The following ADAMTS10 variants were observed in gnomAD, a reference collection of about 807,000 sequenced individuals.
ADAMTS10 encodes A disintegrin and metalloproteinase with thrombospondin motifs 10.
Under a neutral mutation model 135.9 loss-of-function variants are expected in ADAMTS10, and 48 were observed. The observed-to-expected ratio is 0.35, with a 90% confidence interval of 0.28 to 0.45. The LOEUF (loss-of-function observed/expected upper bound fraction) is 0.45. ADAMTS10 is among the 20% of genes least tolerant of loss of function. ADAMTS10 has a pLI of 1.00. For missense variants in ADAMTS10, 1,131 were observed against 1,565.2 expected, an observed-to-expected ratio of 0.72 and a Z score of 4.68; for synonymous variants, 621 against 647.5, an observed-to-expected ratio of 0.96 and a Z score of 0.62.
Position 8,601,035 on chromosome 19 carries a change from C to G in ADAMTS10, c.703G>C (p.Val235Leu). ...GTCTCCACGTAGCGCTCTCGGCTGACCGATCGCTTCAGGCCTGGCTGGCCA... is the reference window on the plus strand; with the variant it reads ...GTCTCCACGTAGCGCTCTCGGCTGAGCGATCGCTTCAGGCCTGGCTGGCCA... ...ERGQPGLKRSVSRERYVETLV... is the reference protein window; with the variant it reads ...ERGQPGLKRSLSRERYVETLV... The change falls in exon 6 of 26, where the codon GTC becomes CTC. Residue 235 changes from valine (V) to leucine (L), a missense_variant. This residue lies in a region of ADAMTS10 where 306 missense variants were observed against 344.4 expected (regional missense o/e 0.89). Transcript: ENST00000597188. The surrounding 1 kb of genome is among the most constrained non-coding windows in gnomAD (Gnocchi z 4.6). 1.2e-6 allele frequency: 2 copies of G among 1,614,196 alleles called. No homozygotes were observed. Among genetic ancestry groups the G allele is most frequent in the Non-Finnish European group, 1.7e-6 (2 of 1,180,046 alleles).
rs1324315756 is a variant in ADAMTS10 at position 8,605,752 on chromosome 19, C to T, written c.-42G>A. 1.7e-5 allele frequency: 27 copies of T among 1,566,854 alleles called. No homozygotes were observed. Among genetic ancestry groups the T allele is most frequent in the East Asian group, 4.7e-5 (2 of 42,758 alleles). ...CATGTCTCTCCCCAGCCCCGGCTGC[C>T]GGCAGCCCCCACAGTGCCGCCTCCC... On this transcript the variant is annotated 5_prime_UTR_variant, in exon 3 of 26. Transcript: ENST00000597188. The surrounding 1 kb of genome is among the most constrained non-coding windows in gnomAD (Gnocchi z 7.7).
At chr19:8,592,466 G>C (rs1298586499) in intron 13 of ADAMTS10, among the ~76,000 whole-genome samples, 2 of 151,642 alleles carry the variant, frequency 1.3e-5, no homozygotes, top group East Asian at 1.9e-4. Flanking sequence ...ATGAGGGAGA[G>C]AGCAAACAGT....
rs2042599199 is a variant in ADAMTS10 at position 8,596,003 on chromosome 19, A to G, written c.1337+70T>C. 3.7e-6 allele frequency: 6 copies of G among 1,613,696 alleles called. No individual in the cohort carries two copies. In the Admixed American group the frequency reaches 6.7e-5, roughly 18 times the overall value. On this transcript the variant is annotated intron_variant, in intron 11 of 25. Coordinates refer to ENST00000597188, the MANE Select transcript of ADAMTS10 (RefSeq NM_030957.4). This position sits in a 1 kb window ranked among gnomAD's most constrained non-coding sequence, Gnocchi z 7.2. ...GTCCCAGGGAGCATCCCTGATTTCT[A>G]TCGTCTCCCGTGTACCCTGCCCCAC...
intron 15 of ADAMTS10, among the ~76,000 whole-genome samples, chr19:8,590,813 C>G (rs1555738747): frequency 6.6e-6 from 1 of 152,134 alleles, no homozygotes; most frequent in African/African-American, 2.4e-5. Context: ...CCAGGATGGT[C>G]TCGAACTCCT....
chr19:8,610,196 C>T (rs541711127), intron 1 of ADAMTS10, among the ~76,000 whole-genome samples: 47 of 151,866 alleles, frequency 3.1e-4, no homozygotes, highest in Non-Finnish European at 5.9e-4. Context: ...CCACACCAGA[C>T]ACACACACAC....
rs782300766 is a variant in ADAMTS10 at position 8,601,023 on chromosome 19, G to A, written c.715C>T (p.Arg239Cys). The change falls in exon 6 of 26, where the codon CGC becomes TGC. Residue 239 changes from arginine (R) to cysteine (C), a missense_variant. Coordinates refer to ENST00000597188, the MANE Select transcript of ADAMTS10 (RefSeq NM_030957.4). This position sits in a 1 kb window ranked among gnomAD's most constrained non-coding sequence, Gnocchi z 4.6. Reference sequence around the variant, plus strand: ...GCCACCACCAGGGTCTCCACGTAGCGCTCTCGGCTGACCGATCGCTTCAGG... The same window carrying A: ...GCCACCACCAGGGTCTCCACGTAGCACTCTCGGCTGACCGATCGCTTCAGG... Reference protein sequence around the residue: ...PGLKRSVSRERYVETLVVADK... With the variant: ...PGLKRSVSRECYVETLVVADK... 2.2e-5 allele frequency: 36 copies of A among 1,614,118 alleles called. No homozygotes were observed. Among genetic ancestry groups the A allele is most frequent in the Admixed American group, 1.2e-4 (7 of 60,022 alleles).
At position 8,589,565 on chromosome 19, in the gene ADAMTS10, G is replaced by T; in HGVS notation, c.1921C>A (p.Leu641Ile). 1 of 1,613,450 alleles carries T rather than the reference G, an allele frequency of 6.2e-7. No individual in the cohort carries two copies. The highest frequency in any genetic ancestry group is 8.5e-7 in the Non-Finnish European group (1 of 1,179,968). ...YRGGGVKACS[L>I]TCLAEGFNFY... Reference sequence around the variant, plus strand: ...TTGAAGCCTTCCGCTAGGCACGTGAGCGAGCAGGCCTTCACGCCCCCTGGG... The same window carrying T: ...TTGAAGCCTTCCGCTAGGCACGTGATCGAGCAGGCCTTCACGCCCCCTGGG... Residue 641 changes from leucine (L) to isoleucine (I), a missense_variant, in exon 17 of 26, where the codon CTC becomes ATC. Coordinates refer to ENST00000597188, the MANE Select transcript of ADAMTS10 (RefSeq NM_030957.4).
chr19:8,586,995 G>T, intron 18 of ADAMTS10, 99 bp from the exon 19 acceptor site: 1 of 1,257,460 alleles, frequency 8.0e-7, no homozygotes. Context: ...AACTATTACT[G>T]CGCTAAACAC....
chr19:8,586,618 C>T lies in ADAMTS10; in HGVS notation c.2343G>A (p.Gly781=), dbSNP rs782209958. The T allele has an allele frequency of 1.2e-6, 2 of 1,614,046 alleles. No homozygotes were observed. Among genetic ancestry groups the T allele is most frequent in the South Asian group, 2.2e-5 (2 of 91,082 alleles). The change falls in exon 20 of 26, where the codon GGG becomes GGA. Residue 781 remains glycine (G), a synonymous_variant. Transcript: ENST00000597188. ...CTTCGAGGCTCTGGACCTGGTCTGG[C>T]CCCTGTCGCAGTTGAAAGGTGGTCC... ...LAGTTFQLRQ[G]PDQVQSLEAL... is the part of the protein sequence containing the mutation.
At chr19:8,582,311 T>A (rs1192118117) in intron 25 of ADAMTS10, among the ~76,000 whole-genome samples, 1 of 147,846 alleles carries the variant, frequency 6.8e-6, no homozygotes, top group East Asian at 2.1e-4. Context: ...CTACTAAAAA[T>A]ACAAAAATTA....
rs1555740321 is a variant in ADAMTS10, at chr19:8,596,610, A to T, written c.1041-25T>A. 8 of 1,611,694 alleles carry T rather than the reference A, an allele frequency of 5.0e-6. No homozygotes were observed. The highest frequency in any genetic ancestry group is 6.8e-6 in the Non-Finnish European group (8 of 1,179,522). ...GCTGTAAAAGGAGACAGGGTCAGTGAGGGGGCTGGGCTGTCTCCCTAAGCC... is the reference window on the plus strand; with the variant it reads ...GCTGTAAAAGGAGACAGGGTCAGTGTGGGGGCTGGGCTGTCTCCCTAAGCC... On this transcript the variant is annotated intron_variant, in intron 8 of 25. Transcript: ENST00000597188. This position sits in a 1 kb window ranked among gnomAD's most constrained non-coding sequence, Gnocchi z 7.2.
chr19:8,591,248 A>C (rs988502076), intron 15 of ADAMTS10, among the ~76,000 whole-genome samples: 2 of 151,494 alleles, frequency 1.3e-5, no homozygotes, highest in East Asian at 3.9e-4. Flanking sequence ...AGGGCCAAGC[A>C]GTGATTTCAA....
rs2042662987 is a variant in ADAMTS10, at chr19:8,600,912, A to T, written c.810+16T>A. On this transcript the variant is annotated intron_variant, in intron 6 of 25. Transcript: ENST00000597188. ...AGTCCTCAGGGCTGCGTGCCCAGGG[A>T]GGGGAAGGCACTTACAATGTTCATG... 1 of 1,613,846 alleles carries T rather than the reference A, an allele frequency of 6.2e-7. No individual in the cohort carries two copies. The highest frequency in any genetic ancestry group is 2.2e-5 in the East Asian group (1 of 44,884).
At position 8,593,023 on chromosome 19, in the gene ADAMTS10, A is replaced by G. The variant is rs1170491802; in HGVS notation, c.1480-153T>C. ...CCTGGCTCGCGGTGGGTCTTCGTGC[A>G]TCCCCTTGCGGGGCATGGCCTGTGA... On this transcript the variant is annotated intron_variant, in intron 12 of 25. Transcript: ENST00000597188. 4 of 715,126 alleles carry G rather than the reference A, an allele frequency of 5.6e-6. 1 individual carries two copies. Among genetic ancestry groups the G allele is most frequent in the Middle Eastern group, 6.9e-4 (2 of 2,894 alleles). The allele number at this position is 715,126 out of a possible 1,614,324, so 44.3% of individuals were successfully genotyped here.
Position 8,588,105 on chromosome 19 carries a change from C to T in ADAMTS10, c.2158+1137G>A, listed in dbSNP as rs533103253. Among the ~76,000 whole-genome samples the T allele has an allele frequency of 4.2e-4, 63 of 151,706 alleles. 1 individual carries two copies. The highest frequency in any genetic ancestry group is 1.4e-3 in the African/African-American group (57 of 41,360). On this transcript the variant is annotated intron_variant, in intron 18 of 25. Transcript: ENST00000597188. ...CTCTTCTAAAGATACAAAAATTAGC[C>T]GGGCATGTAGTGCATGTCTGTAGTC...
chr19:8,586,028 T>G, intron 22 of ADAMTS10, 94 bp downstream of exon 22: 1 of 1,592,542 alleles, frequency 6.3e-7, no homozygotes, highest in South Asian at 1.1e-5. Context: ...GACTCTGCAC[T>G]AATCTGCTCC....
Position 8,586,432 on chromosome 19 carries a change from G to T in ADAMTS10, c.2442C>A (p.Arg814=), listed in dbSNP as rs949575241. ...AGTCACGGGCGATGGGGGCATTGAA[G>T]CGGTAGCGGAGGGCAGGCAGCTCGG... ...ARTELPALRY[R]FNAPIARDSL... is the part of the protein sequence containing the mutation. The change falls in exon 21 of 26, where the codon CGC becomes CGA. Residue 814 remains arginine (R), a synonymous_variant. Coordinates refer to ENST00000597188, the MANE Select transcript of ADAMTS10 (RefSeq NM_030957.4). The T allele has an allele frequency of 1.7e-5, 28 of 1,613,888 alleles. 1 individual carries two copies. In the African/African-American group the frequency reaches 3.5e-4, roughly 20 times the overall value.
At chr19:8,591,699 CAA>C in intron 15 of ADAMTS10, 99 bp downstream of exon 15, 3 of 1,436,682 alleles carry the variant, frequency 2.1e-6, no homozygotes, top group Middle Eastern at 1.8e-4. Context: ...CTTGGCCTCC[CAA>C]AGTGTTGGGA....
chr19:8,592,866 ACCT>A lies in ADAMTS10; in HGVS notation c.1481_1483del (p.Glu494del). On this transcript the variant is annotated inframe_deletion and splice_region_variant, in exon 13 of 26. Transcript: ENST00000597188. ...GCTCAGACACCACAGCTCGCTGCAG[ACCT>A]CCTGCGGGCCGAGGTGCCCGCTCAG... 6.2e-7 allele frequency: 1 copy of A among 1,610,908 alleles called. No individual in the cohort carries two copies. The highest frequency in any genetic ancestry group is 8.5e-7 in the Non-Finnish European group (1 of 1,179,658).
Sources: allele counts gnomAD v4.1 joint callset (sites outside exome capture counted in the v4.1 genomes callset), GRCh38; gene constraint gnomAD v4.1.1; regional missense constraint gnomAD v4.1.1; non-coding constraint Gnocchi (gnomAD v3.1); transcripts MANE v1.5; gene names NCBI Gene and HGNC (gene_info 2026-07-23, HGNC 2026-07-21).